The following SPON1 variants were observed in gnomAD, a reference collection of about 807,000 sequenced individuals.
The protein encoded by SPON1 is spondin-1.
A neutral mutation model predicts 111.7 loss-of-function variants in SPON1; 52 were observed. That is an observed-to-expected ratio of 0.47 (90% CI 0.37 to 0.59). SPON1 has a LOEUF of 0.59. Among genes scored for constraint, SPON1 ranks in the 20% least tolerant of loss-of-function variants. The pLI is 0.00. For missense variants in SPON1, 957 were observed against 1,068.5 expected (o/e 0.90, Z 1.46); for synonymous variants, 410 against 395.8 (o/e 1.04, Z -0.43).
chr11:14,186,951 A>G (rs1223683902), intron 6 of SPON1, among the ~76,000 whole-genome samples: 1 of 152,224 alleles, frequency 6.6e-6, no homozygotes, highest in Non-Finnish European at 1.5e-5. Flanking sequence ...TCCACTTTGC[A>G]TTGCTATAAA....
At position 14,160,942 on chromosome 11, in the gene SPON1, TA is replaced by T. The variant is rs1554931123; in HGVS notation, c.825+25375del. 2.3e-3 allele frequency among the ~76,000 whole-genome samples: 127 copies of T among 55,598 alleles called. 17 individuals are homozygous for T. Among genetic ancestry groups the T allele is most frequent in the East Asian group, 0.015 (15 of 1,004 alleles). The allele number at this position is 55,598 out of a possible 152,430, so 36.5% of individuals were successfully genotyped here. On this transcript the variant is annotated intron_variant, in intron 6 of 15. Coordinates refer to ENST00000576479, the MANE Select transcript of SPON1 (RefSeq NM_006108.4). ...TTATATATTTATATATTTATATATATATTTATATATTTATATATATTTATAT... is the reference window on the plus strand; with the variant it reads ...TTATATATTTATATATTTATATATATTTTATATATTTATATATATTTATAT...
rs1554921337 is a variant in SPON1, at chr11:14,075,449, G to A, written c.553+31G>A. 17 of 1,469,974 alleles carry A rather than the reference G, an allele frequency of 1.2e-5. No individual in the cohort carries two copies. The East Asian group carries it at 3.7e-4, about 32-fold the overall frequency. The allele number at this position is 1,469,974 out of a possible 1,614,324, so 91.1% of individuals were successfully genotyped here. A position where few individuals can be genotyped will look rare whatever the true frequency, so the allele number is the denominator to read the frequency against. On this transcript the variant is annotated intron_variant, in intron 4 of 15. Coordinates refer to ENST00000576479, the MANE Select transcript of SPON1 (RefSeq NM_006108.4). ...ACCCTGTGGGTGGGGAGGGGGAGGG[G>A]CAGAGACATGGAAGGCAGCTCCTCC...
chr11:14,156,881 G>A (rs1029578039), intron 6 of SPON1, among the ~76,000 whole-genome samples: 8 of 152,116 alleles, frequency 5.3e-5, no homozygotes, highest in Non-Finnish European at 8.8e-5. Flanking sequence ...AAATCTCTGA[G>A]CACTCACTCA....
At chr11:14,177,180 A>G (rs1848186729) in intron 6 of SPON1, among the ~76,000 whole-genome samples, 1 of 152,060 alleles carries the variant, frequency 6.6e-6, no homozygotes, top group Admixed American at 6.5e-5. Context: ...AGCTGGGACT[A>G]CAGGCGCCCA....
chr11:14,176,304 C>T (rs782456091), intron 6 of SPON1, among the ~76,000 whole-genome samples: 1 of 152,136 alleles, frequency 6.6e-6, no homozygotes, highest in Non-Finnish European at 1.5e-5. Flanking sequence ...CCAAGAATAT[C>T]CCTTATTCCA....
In SPON1 at chr11:13,988,991, A is replaced by T. The variant is rs1004688858; in HGVS notation, c.345+6038A>T. ...ATTTTCATATCGATGTTCATCAGAG[A>T]TATTGGCCTGAAATTTTCTTTTTTT... On this transcript the variant is annotated intron_variant, in intron 2 of 15. Transcript: ENST00000576479. Among the ~76,000 whole-genome samples the T allele has an allele frequency of 1.2e-4, 19 of 152,200 alleles. No individual in the cohort carries two copies. The East Asian group carries it at 3.7e-3, about 29-fold the overall frequency.
At chr11:14,148,895 G>GCATT (rs1227466558) in intron 6 of SPON1, among the ~76,000 whole-genome samples, 4 of 152,136 alleles carry the variant, frequency 2.6e-5, no homozygotes, top group South Asian at 2.1e-4. Flanking sequence ...AACATAGACT[G>GCATT]CATTCATTCA....
intron 6 of SPON1, among the ~76,000 whole-genome samples, chr11:14,168,515 T>C (rs1162099932): frequency 1.3e-5 from 2 of 152,196 alleles, no homozygotes; most frequent in African/African-American, 4.8e-5. Flanking sequence ...CTTTTATTTT[T>C]ATTATACTTT....
At chr11:14,147,926 C>T (rs1196439548) in intron 6 of SPON1, among the ~76,000 whole-genome samples, 1 of 152,088 alleles carries the variant, frequency 6.6e-6, no homozygotes, top group Non-Finnish European at 1.5e-5. Flanking sequence ...TGATGTTCAA[C>T]TTCATTTACA....
intron 7 of SPON1, among the ~76,000 whole-genome samples, chr11:14,251,117 G>A (rs1163226406): frequency 1.3e-5 from 2 of 152,156 alleles, no homozygotes; most frequent in East Asian, 3.8e-4. Flanking sequence ...AGCAATTTGG[G>A]GAGAGGTCAG....
chr11:14,219,716 C>T (rs1189900141), intron 6 of SPON1, among the ~76,000 whole-genome samples: 2 of 152,148 alleles, frequency 1.3e-5, no homozygotes, highest in Non-Finnish European at 2.9e-5. Flanking sequence ...GACCAGATGA[C>T]ATGATGTGTT....
intron 6 of SPON1, among the ~76,000 whole-genome samples, chr11:14,177,137 T>C (rs1554933190): frequency 6.6e-6 from 1 of 152,164 alleles, no homozygotes. Flanking sequence ...GCTTCCCAGG[T>C]TCACGCCATT....
At chr11:13,974,544 G>A (rs977681802) in intron 1 of SPON1, among the ~76,000 whole-genome samples, 3 of 152,198 alleles carry the variant, frequency 2.0e-5, no homozygotes, top group African/African-American at 7.2e-5. Flanking sequence ...AAGCTATTTG[G>A]TAATTAGGTA....
In SPON1 at chr11:14,259,477, C is replaced by A. The variant is rs782328988; in HGVS notation, c.1663+27C>A. 8.2e-6 allele frequency: 13 copies of A among 1,591,570 alleles called. No homozygotes were observed. The African/African-American group carries it at 1.5e-4, about 18-fold the overall frequency. On this transcript the variant is annotated intron_variant, in intron 12 of 15. Transcript: ENST00000576479. This position sits in a 1 kb window ranked among gnomAD's most constrained non-coding sequence, Gnocchi z 5.0. ...TGAGTGGGGGCCCCGGGCGGGCAGG[C>A]GGGCAAGTAGGTCGGGGAGGCAGCA...
At chr11:14,001,469 G>A (rs572213615) in intron 2 of SPON1, among the ~76,000 whole-genome samples, 23 of 152,248 alleles carry the variant, frequency 1.5e-4, no homozygotes, top group East Asian at 5.8e-4. Context: ...TATCTGATCC[G>A]AAGAAAGAAC....
At chr11:14,029,702 A>G (rs1360997915) in intron 2 of SPON1, among the ~76,000 whole-genome samples, 1 of 152,196 alleles carries the variant, frequency 6.6e-6, no homozygotes, top group African/African-American at 2.4e-5. Context: ...CAGTCAGGAA[A>G]GGGTGGCTTC....
Position 14,243,194 on chromosome 11 carries a change from G to T in SPON1, c.826-138G>T, listed in dbSNP as rs1489073263. 4.0e-6 allele frequency: 3 copies of T among 751,586 alleles called. No individual in the cohort carries two copies. In the African/African-American group the frequency reaches 5.2e-5, roughly 13 times the overall value. The allele number at this position is 751,586 out of a possible 1,614,324, so 46.6% of individuals were successfully genotyped here. ...CCCCAGGGTTCCCCCATCCCAGAGAGAGGTGGCTGTACACCCAGGCAGGAA... is the reference window on the plus strand; with the variant it reads ...CCCCAGGGTTCCCCCATCCCAGAGATAGGTGGCTGTACACCCAGGCAGGAA... On this transcript the variant is annotated intron_variant, in intron 6 of 15. Transcript: ENST00000576479.
At chr11:14,077,436 T>C (rs187323250) in intron 4 of SPON1, among the ~76,000 whole-genome samples, 1 of 152,012 alleles carries the variant, frequency 6.6e-6, no homozygotes, top group Non-Finnish European at 1.5e-5. Flanking sequence ...TTATTTTTTT[T>C]TTTTTAGTTT....
chr11:14,112,107 G>C (rs1259157543), intron 5 of SPON1, among the ~76,000 whole-genome samples: 1 of 149,338 alleles, frequency 6.7e-6, no homozygotes, highest in Non-Finnish European at 1.5e-5. Context: ...AAATTTGCAG[G>C]GGAAAAAAAA....
Sources: gnomAD v4.1 joint callset for allele counts (sites outside exome capture counted in the v4.1 genomes callset) on GRCh38, gnomAD v4.1.1 for gene constraint, Gnocchi (gnomAD v3.1) non-coding constraint, MANE v1.5 for transcripts, NCBI Gene and HGNC (gene_info 2026-07-23, HGNC 2026-07-21) for gene names.